Variants in NCOA1 observed in about 807,000 individuals in gnomAD.
The protein encoded by NCOA1 is nuclear receptor coactivator 1, also known as Hin-2 protein.
Under a neutral mutation model 150.9 loss-of-function variants are expected in NCOA1, and 35 were observed. That is an observed-to-expected ratio of 0.23 (90% confidence interval 0.18 to 0.31). NCOA1 has a LOEUF of 0.31. Among genes scored for constraint, NCOA1 ranks in the 10% least tolerant of loss-of-function variants. The pLI is 1.00. For synonymous variants in NCOA1, 590 were observed against 630.0 expected, an observed-to-expected ratio of 0.94 and a Z score of 0.95; for missense variants, 1,491 against 1,749.3, an observed-to-expected ratio of 0.85 and a Z score of 2.63.
At chr2:24,578,906 A>G (rs1005605565) in intron 2 of NCOA1, among the ~76,000 whole-genome samples, 1 of 152,228 alleles carries the variant, frequency 6.6e-6, no homozygotes, top group East Asian at 1.9e-4. Context: ...ATATTATGCA[A>G]AAGTAATACC....
rs116168780 is a variant in NCOA1 at position 24,757,040 on chromosome 2, G to A, written c.3882-933G>A. ...ATTTGCCACCTAAAAACATTTGGTT[G>A]TATACATCTGGCTTCCTCTTAATTT... On this transcript the variant is annotated intron_variant, in intron 20 of 22. Coordinates refer to ENST00000348332, the MANE Select transcript of NCOA1 (RefSeq NM_003743.5). 6.2e-3 allele frequency among the ~76,000 whole-genome samples: 948 copies of A among 152,318 alleles called. 3 individuals are homozygous for A. Among genetic ancestry groups the A allele is most frequent in the Non-Finnish European group, 9.3e-3 (636 of 68,026 alleles).
At chr2:24,566,699 C>T (rs190298890) in intron 2 of NCOA1, among the ~76,000 whole-genome samples, 144 of 152,328 alleles carry the variant, frequency 9.5e-4, no homozygotes, top group Admixed American at 3.4e-3. Flanking sequence ...TTCATGGTGC[C>T]CAGGCTGTTC....
At chr2:24,604,959 A>G (rs997110852) in intron 3 of NCOA1, among the ~76,000 whole-genome samples, 2 of 152,182 alleles carry the variant, frequency 1.3e-5, no homozygotes, top group Non-Finnish European at 2.9e-5. Context: ...GTTAAAGGCT[A>G]TTGTAGGGTT....
chr2:24,753,554 T>C (rs1664354090), intron 20 of NCOA1, among the ~76,000 whole-genome samples: 2 of 152,222 alleles, frequency 1.3e-5, no homozygotes, highest in South Asian at 2.1e-4. Context: ...AAATGTCCTT[T>C]TCAGTGCCAA....
intron 2 of NCOA1, among the ~76,000 whole-genome samples, chr2:24,581,874 A>T (rs1193875882): frequency 6.6e-6 from 1 of 152,196 alleles, no homozygotes; most frequent in Non-Finnish European, 1.5e-5. Context: ...CACCCAAAAG[A>T]TGTAGAAAAA....
intron 6 of NCOA1, 95 bp downstream of exon 6, chr2:24,666,010 T>C: frequency 1.4e-6 from 1 of 699,292 alleles, no homozygotes; most frequent in Non-Finnish European, 1.8e-6. Context: ...ATTATTATTT[T>C]ATTATTATTA....
chr2:24,579,418 A>G (rs1667111919), intron 2 of NCOA1, among the ~76,000 whole-genome samples: 3 of 152,146 alleles, frequency 2.0e-5, no homozygotes, highest in African/African-American at 7.2e-5. Context: ...TGCTTTTTCA[A>G]CAGAGTTTGA....
intron 12 of NCOA1, among the ~76,000 whole-genome samples, chr2:24,705,983 A>G (rs1283934582): frequency 6.6e-6 from 1 of 152,132 alleles, no homozygotes; most frequent in Non-Finnish European, 1.5e-5. Context: ...TTGTGAGTGG[A>G]ATTAGCACAG....
intron 1 of NCOA1, among the ~76,000 whole-genome samples, chr2:24,503,957 ACTC>A (rs1479787020): frequency 6.7e-6 from 1 of 149,536 alleles, no homozygotes; most frequent in Non-Finnish European, 1.5e-5. Flanking sequence ...CTGGTCTTGA[ACTC>A]CTGACCTCAG....
chr2:24,503,239 C>T (rs1043620037), intron 1 of NCOA1, among the ~76,000 whole-genome samples: 34 of 151,874 alleles, frequency 2.2e-4, no homozygotes, highest in African/African-American at 7.2e-4. Flanking sequence ...GCTTGGAGAA[C>T]GTGTTGTTCT....
In NCOA1 at chr2:24,747,298, C is replaced by T. The variant is rs560542742; in HGVS notation, c.3707-4684C>T. On this transcript the variant is annotated intron_variant, in intron 19 of 22. Transcript: ENST00000348332. ...CCAGAATATGATAAGCATCTTTTCCCGCTCACATATTTTTATTTTTATTTT... is the reference window on the plus strand; with the variant it reads ...CCAGAATATGATAAGCATCTTTTCCTGCTCACATATTTTTATTTTTATTTT... 6.0e-5 allele frequency among the ~76,000 whole-genome samples: 9 copies of T among 150,386 alleles called. No individual in the cohort carries two copies. The South Asian group carries it at 6.3e-4, about 11-fold the overall frequency.
At position 24,729,602 on chromosome 2, in the gene NCOA1, T is replaced by G; in HGVS notation, c.2988T>G (p.Ser996=). The G allele has an allele frequency of 6.2e-7, 1 of 1,614,192 alleles. No individual in the cohort carries two copies. The highest frequency in any genetic ancestry group is 8.5e-7 in the Non-Finnish European group (1 of 1,180,024). The change falls in exon 17 of 23, where the codon TCT becomes TCG. Residue 996 remains serine (S), a synonymous_variant. Transcript: ENST00000348332. ...ERPNLYSQPY[S]SPSPTANLPS... The stretch of plus-strand genomic sequence containing the variant: ...CCAACCTTTATTCCCAGCCTTACTC[T>G]TCTCCTTCTCCTACTGCCAATCTCC...
At chr2:24,597,829 G>C (rs1667943436) in intron 3 of NCOA1, among the ~76,000 whole-genome samples, 1 of 151,940 alleles carries the variant, frequency 6.6e-6, no homozygotes, top group African/African-American at 2.4e-5. Flanking sequence ...TGCACAACGT[G>C]CATGTTTGTT....
chr2:24,720,459 C>T (rs779255141), intron 14 of NCOA1, among the ~76,000 whole-genome samples: 8 of 152,174 alleles, frequency 5.3e-5, no homozygotes, highest in South Asian at 2.1e-4. Flanking sequence ...GCTTCCCCTC[C>T]GGAGTACAGC....
chr2:24,545,087 TG>T (rs1249568623), intron 1 of NCOA1, among the ~76,000 whole-genome samples: 2 of 152,186 alleles, frequency 1.3e-5, no homozygotes, highest in African/African-American at 4.8e-5. Flanking sequence ...TAGCTCTGTC[TG>T]CTGAGAGGGC....
At chr2:24,748,713 A>T (rs1454028854) in intron 19 of NCOA1, among the ~76,000 whole-genome samples, 4 of 152,114 alleles carry the variant, frequency 2.6e-5, no homozygotes, top group African/African-American at 7.2e-5. Context: ...TTATTTAACC[A>T]AATAAACCAA....
At chr2:24,670,500 A>G (rs1671634308) in intron 6 of NCOA1, among the ~76,000 whole-genome samples, 1 of 152,224 alleles carries the variant, frequency 6.6e-6, no homozygotes. Flanking sequence ...AATAAAAAGG[A>G]ATAAAGTACT....
At chr2:24,554,728 G>T (rs1192774370) in intron 1 of NCOA1, among the ~76,000 whole-genome samples, 1 of 152,088 alleles carries the variant, frequency 6.6e-6, no homozygotes, top group Non-Finnish European at 1.5e-5. Context: ...TGGTGCTGGG[G>T]GATTCTCGAT....
Position 24,707,224 on chromosome 2 carries a change from A to C in NCOA1, c.1754A>C (p.Asn585Thr), listed in dbSNP as rs1010798850. ...IQPAKAESKD[N>T]KEIASILNEM... is the part of the protein sequence containing the mutation. The stretch of plus-strand genomic sequence containing the variant: ...CCAGCAAAAGCTGAGTCCAAAGATA[A>C]CAAAGAGATTGCCTCAATTTTAAAT... Residue 585 changes from asparagine to threonine, a missense_variant, in exon 13 of 23, where the codon AAC becomes ACC. This residue lies in a region of NCOA1 where 703 missense variants were observed against 717.7 expected (regional missense o/e 0.98). Transcript: ENST00000348332. 6.2e-6 allele frequency: 10 copies of C among 1,614,204 alleles called. No homozygotes were observed. The highest frequency in any genetic ancestry group is 8.5e-6 in the Non-Finnish European group (10 of 1,180,022).
Sources: gnomAD v4.1 joint callset for allele counts (sites outside exome capture counted in the v4.1 genomes callset) on GRCh38, gnomAD v4.1.1 for gene constraint, gnomAD v4.1.1 regional missense constraint, MANE v1.5 for transcripts, NCBI Gene and HGNC (gene_info 2026-07-23, HGNC 2026-07-21) for gene names.